Variants in PEPD observed in about 807,000 individuals in gnomAD.
PEPD encodes xaa-Pro dipeptidase.
Under a neutral mutation model 60.7 loss-of-function variants are expected in PEPD, and 53 were observed. That is an observed-to-expected ratio of 0.87 (90% CI 0.70 to 1.10). The LOEUF is 1.10. Among genes scored for constraint, PEPD ranks in the 50% least tolerant of loss-of-function variants. PEPD has a pLI of 0.00. For synonymous variants in PEPD, 267 were observed against 284.1 expected (o/e 0.94, Z 0.60); for missense variants, 711 against 711.9 (o/e 1.00, Z 0.01).
intron 1 of PEPD, 125 bp downstream of exon 1, chr19:33,521,619 A>T: frequency 9.3e-7 from 1 of 1,080,564 alleles, no homozygotes; most frequent in Non-Finnish European, 1.4e-6. Flanking sequence ...CTCCGGGCCA[A>T]CGGGAAGAGG....
intron 7 of PEPD, among the ~76,000 whole-genome samples, chr19:33,468,935 G>A (rs916685896): frequency 6.6e-5 from 10 of 152,154 alleles, no homozygotes; most frequent in Admixed American, 5.2e-4. Context: ...ACAGTTCAGA[G>A]CCATGGGCAG....
intron 9 of PEPD, among the ~76,000 whole-genome samples, chr19:33,417,912 C>A (rs1968925419): frequency 6.6e-6 from 1 of 152,240 alleles, no homozygotes; most frequent in African/African-American, 2.4e-5. Context: ...CCCACACACT[C>A]CCAGCATCTC....
intron 12 of PEPD, among the ~76,000 whole-genome samples, chr19:33,399,010 G>A (rs749869113): frequency 1.3e-5 from 2 of 152,092 alleles, no homozygotes; most frequent in South Asian, 2.1e-4. Flanking sequence ...TTGAGACAGG[G>A]TCTCACTCCA....
chr19:33,415,581 C>T (rs1025630964), intron 9 of PEPD, among the ~76,000 whole-genome samples: 3 of 152,154 alleles, frequency 2.0e-5, no homozygotes, highest in African/African-American at 7.2e-5. Context: ...TTGGCTCTCT[C>T]GCCTGCAGCA....
Position 33,401,825 on chromosome 19 carries a change from A to G in PEPD, c.863T>C (p.Ile288Thr), listed in dbSNP as rs139214756. Residue 288 changes from isoleucine to threonine, a missense_variant, in exon 12 of 15, where the codon ATC (isoleucine) becomes ACC (threonine). By Grantham distance (89) the Ile-to-Thr change is moderately conservative. Coordinates refer to ENST00000244137, the MANE Select transcript of PEPD (RefSeq NM_000285.4). ...GGEYYCFASD[I>T]TCSFPANGKF... ...GCCGTTGGCGGGAAAGGAGCAGGTG[A>G]TGTCGGAAGCGAAGCAGTAATACTC... 1.2e-3 allele frequency: 1,901 copies of G among 1,613,242 alleles called. 21 individuals are homozygous for G. In the African/African-American group the frequency reaches 0.02, roughly 17 times the overall value.
At chr19:33,451,029 A>G (rs1251034367) in intron 9 of PEPD, among the ~76,000 whole-genome samples, 1 of 152,226 alleles carries the variant, frequency 6.6e-6, no homozygotes, top group Non-Finnish European at 1.5e-5. Context: ...CATGTAATTA[A>G]AAGTGGGTAT....
intron 4 of PEPD, among the ~76,000 whole-genome samples, chr19:33,500,646 G>T (rs1037141079): frequency 2.0e-5 from 3 of 152,178 alleles, no homozygotes; most frequent in African/African-American, 7.2e-5. Context: ...AGGCAGGCCC[G>T]CCTCTCAGAG....
chr19:33,506,483 A>G (rs1195743738), intron 3 of PEPD, among the ~76,000 whole-genome samples: 3 of 148,212 alleles, frequency 2.0e-5, no homozygotes, highest in Non-Finnish European at 4.5e-5. Context: ...CAAACACCCT[A>G]CACAACACAC....
intron 7 of PEPD, 51 bp downstream of exon 7, chr19:33,477,995 C>A (rs1313225605): frequency 7.6e-7 from 1 of 1,311,774 alleles, no homozygotes; most frequent in East Asian, 2.3e-5. Context: ...GCATTCCATC[C>A]CCATGAGCCG....
In PEPD at chr19:33,500,930, C is replaced by T; in HGVS notation, c.393+8G>A. On this transcript the variant is annotated splice_region_variant and intron_variant, in intron 4 of 14. Coordinates refer to ENST00000244137, the MANE Select transcript of PEPD (RefSeq NM_000285.4). ...CTGGGCTGCTCAGAGGAGGAGCCGG[C>T]TACCCACCTCATCTACGTACTGGAC... 1 of 1,559,070 alleles carries T rather than the reference C, an allele frequency of 6.4e-7. No homozygotes were observed. Among genetic ancestry groups the T allele is most frequent in the Non-Finnish European group, 8.8e-7 (1 of 1,130,474 alleles).
intron 9 of PEPD, among the ~76,000 whole-genome samples, chr19:33,421,176 G>A (rs1051054098): frequency 6.6e-6 from 1 of 152,296 alleles, no homozygotes; most frequent in African/African-American, 2.4e-5. Context: ...CAGTCTTTTG[G>A]GGCCCATGCA....
At position 33,437,761 on chromosome 19, in the gene PEPD, G is replaced by A. The variant is rs562078769; in HGVS notation, c.672-24118C>T. Reference sequence around the variant, plus strand: ...AGGTGGTGTCATTAGGAGGAGACTTGGGGGGGCGGTGGTGTCAGAAATGCC... The same window carrying A: ...AGGTGGTGTCATTAGGAGGAGACTTAGGGGGGCGGTGGTGTCAGAAATGCC... On this transcript the variant is annotated intron_variant, in intron 9 of 14. Coordinates refer to ENST00000244137, the MANE Select transcript of PEPD (RefSeq NM_000285.4). Among the ~76,000 whole-genome samples, 186 of 152,176 alleles carry A rather than the reference G, an allele frequency of 1.2e-3. 1 individual carries two copies. Among genetic ancestry groups the A allele is most frequent in the African/African-American group, 4.2e-3 (174 of 41,534 alleles).
chr19:33,433,778 G>A (rs190515753), intron 9 of PEPD, among the ~76,000 whole-genome samples: 2 of 152,252 alleles, frequency 1.3e-5, no homozygotes, highest in East Asian at 1.9e-4. Context: ...TTACCGTGTC[G>A]GTCTGTAGCT....
At chr19:33,521,512 G>A (rs1971133983) in intron 1 of PEPD, among the ~76,000 whole-genome samples, 1 of 152,226 alleles carries the variant, frequency 6.6e-6, no homozygotes, top group Admixed American at 6.5e-5. Flanking sequence ...CCAGACGCGG[G>A]CAGGTGGGGC....
intron 11 of PEPD, among the ~76,000 whole-genome samples, 160 bp downstream of exon 11, chr19:33,411,512 C>A (rs570146333): frequency 6.6e-6 from 1 of 152,146 alleles, no homozygotes; most frequent in Non-Finnish European, 1.5e-5. Context: ...CCACGCAGGC[C>A]GATAGCCTTG....
At chr19:33,477,584 A>G (rs1970241418) in intron 7 of PEPD, among the ~76,000 whole-genome samples, 1 of 152,234 alleles carries the variant, frequency 6.6e-6, no homozygotes, top group South Asian at 2.1e-4. Flanking sequence ...AGCTAGTAGA[A>G]GCCAGTTGTG....
chr19:33,427,058 G>A (rs1023735292), intron 9 of PEPD, among the ~76,000 whole-genome samples: 3 of 152,188 alleles, frequency 2.0e-5, no homozygotes, highest in Non-Finnish European at 2.9e-5. Flanking sequence ...CCTCACTCAC[G>A]ACTCCAAACG....
intron 13 of PEPD, among the ~76,000 whole-genome samples, chr19:33,390,017 T>G (rs991217481): frequency 6.6e-6 from 1 of 152,256 alleles, no homozygotes; most frequent in African/African-American, 2.4e-5. Flanking sequence ...ACCGCGCCCA[T>G]GCTCGCCTCT....
At chr19:33,463,731 AT>A in intron 8 of PEPD, among the ~76,000 whole-genome samples, 1 of 152,316 alleles carries the variant, frequency 6.6e-6, no homozygotes, top group East Asian at 1.9e-4. Flanking sequence ...TTGTTGGATA[AT>A]TTCCTGAGGA....
Sources: allele counts gnomAD v4.1 joint callset (sites outside exome capture counted in the v4.1 genomes callset), GRCh38; gene constraint gnomAD v4.1.1; transcripts MANE v1.5; gene names NCBI Gene and HGNC (gene_info 2026-07-23, HGNC 2026-07-21).